The following ARSK variants were observed in gnomAD, a reference collection of about 807,000 sequenced individuals.
The protein encoded by ARSK is arylsulfatase K.
ARSK carries 37 observed loss-of-function variants against 53.2 expected under a neutral mutation model. The ratio of observed to expected loss-of-function variants is 0.70; its 90% CI spans 0.54 to 0.92. ARSK has a LOEUF of 0.92. Ranked by LOEUF, ARSK falls within the 40% of genes least tolerant of loss-of-function variation. The probability of loss-of-function intolerance (pLI) is 0.00; values close to 1 mark genes in which losing one functional copy is unlikely to be tolerated. For synonymous variants in ARSK, 208 were observed against 223.2 expected (o/e 0.93, Z 0.61); for missense variants, 613 against 643.0 (o/e 0.95, Z 0.51).
At position 95,601,018 on chromosome 5, in the gene ARSK, A is replaced by C. The variant is rs1334511307; in HGVS notation, c.1268A>C (p.His423Pro). Residue 423 changes from histidine to proline, a missense_variant, in exon 7 of 8, where the codon CAC becomes CCC. His to Pro is a moderately conservative substitution (Grantham distance 77, BLOSUM62 -2). Coordinates refer to ENST00000380009, the MANE Select transcript of ARSK (RefSeq NM_198150.3). ...TCCACCTACATGCTTCGAACTAACC[A>C]CTGGAAATATATAGCCTATTCGGAT... ...NASTYMLRTNHWKYIAYSDGA... is the reference protein window; with the variant it reads ...NASTYMLRTNPWKYIAYSDGA... 1.2e-6 allele frequency: 2 copies of C among 1,614,052 alleles called. No individual in the cohort carries two copies. Among genetic ancestry groups the C allele is most frequent in the Admixed American group, 3.3e-5 (2 of 60,006 alleles).
chr5:95,592,024 C>T (rs1749226650), intron 6 of ARSK, among the ~76,000 whole-genome samples: 3 of 152,188 alleles, frequency 2.0e-5, no homozygotes, highest in Non-Finnish European at 2.9e-5. Context: ...TATTCCTCCT[C>T]AGACTCTTTA....
In ARSK at chr5:95,555,485, G is replaced by A. The variant is rs1357388928; in HGVS notation, c.126+81G>A. ...CCGCCGCCTGTGCTGCAGGCTTTGGGGAGCAGAACCTGAGACATTTTCAAA... is the reference window on the plus strand; with the variant it reads ...CCGCCGCCTGTGCTGCAGGCTTTGGAGAGCAGAACCTGAGACATTTTCAAA... On this transcript the variant is annotated intron_variant, in intron 1 of 7. Coordinates refer to ENST00000380009, the MANE Select transcript of ARSK (RefSeq NM_198150.3). This position sits in a 1 kb window ranked among gnomAD's most constrained non-coding sequence, Gnocchi z 4.0. The A allele has an allele frequency of 4.4e-5, 64 of 1,455,382 alleles. No individual in the cohort carries two copies. Among genetic ancestry groups the A allele is most frequent in the Non-Finnish European group, 5.5e-5 (60 of 1,090,152 alleles). 90.2% of individuals were successfully genotyped at this position (1,455,382 alleles called of 1,614,324 possible).
intron 6 of ARSK, among the ~76,000 whole-genome samples, chr5:95,600,408 A>G (rs1266252170): frequency 6.6e-6 from 1 of 152,186 alleles, no homozygotes; most frequent in Admixed American, 6.5e-5. Flanking sequence ...CCTTTCTTGT[A>G]TAAGACTTGT....
At position 95,578,159 on chromosome 5, in the gene ARSK, A is replaced by AT. The variant is rs557969012; in HGVS notation, c.417-4749dup. ...TGTTTCTCTCAAATTTGAGAGAAGAATTTTTTTTAAGAGATGAGGTCTCAT... is the reference window on the plus strand; with the variant it reads ...TGTTTCTCTCAAATTTGAGAGAAGAATTTTTTTTTAAGAGATGAGGTCTCAT... On this transcript the variant is annotated intron_variant, in intron 3 of 7. Transcript: ENST00000380009. 5.9e-3 allele frequency among the ~76,000 whole-genome samples: 900 copies of AT among 151,728 alleles called. 6 individuals carry two copies. The highest frequency in any genetic ancestry group is 8.4e-3 in the Non-Finnish European group (572 of 67,888).
At chr5:95,600,638 G>T in intron 6 of ARSK, 1 of 679,364 alleles carries the variant, frequency 1.5e-6, no homozygotes, top group Non-Finnish European at 2.7e-6. Flanking sequence ...AGAAAACTGA[G>T]GTTGAGATAA....
intron 6 of ARSK, among the ~76,000 whole-genome samples, chr5:95,596,071 A>G (rs1446692830): frequency 6.6e-6 from 1 of 152,220 alleles, no homozygotes; most frequent in African/African-American, 2.4e-5. Flanking sequence ...TAACAGCCTT[A>G]GGAGCCAACA....
chr5:95,593,558 T>C (rs1749252479), intron 6 of ARSK, among the ~76,000 whole-genome samples: 1 of 152,198 alleles, frequency 6.6e-6, no homozygotes, highest in East Asian at 1.9e-4. Context: ...TTCTTGCCAT[T>C]TTATACATCA....
At chr5:95,589,056 C>T (rs907273447) in intron 5 of ARSK, among the ~76,000 whole-genome samples, 1 of 152,168 alleles carries the variant, frequency 6.6e-6, no homozygotes, top group African/African-American at 2.4e-5. Context: ...AACACCCTTC[C>T]CTTTGCTTTC....
intron 5 of ARSK, among the ~76,000 whole-genome samples, chr5:95,587,834 A>G (rs1024068405): frequency 2.7e-5 from 4 of 150,612 alleles, no homozygotes; most frequent in Non-Finnish European, 5.9e-5. Flanking sequence ...TGAACCTGGG[A>G]GGCAGAGGTT....
chr5:95,577,089 T>C (rs1436689515), intron 3 of ARSK, among the ~76,000 whole-genome samples: 4 of 152,352 alleles, frequency 2.6e-5, no homozygotes, highest in Non-Finnish European at 2.9e-5. Flanking sequence ...GAGCTGTGGA[T>C]ATGGTGATGT....
At chr5:95,590,697 A>G (rs1749197232) in intron 5 of ARSK, among the ~76,000 whole-genome samples, 2 of 152,186 alleles carry the variant, frequency 1.3e-5, no homozygotes, top group Non-Finnish European at 1.5e-5. Context: ...CAAAATAGGG[A>G]TGACCCTTCT....
intron 3 of ARSK, among the ~76,000 whole-genome samples, chr5:95,580,563 G>A (rs1356670193): frequency 1.3e-5 from 2 of 152,192 alleles, no homozygotes; most frequent in Non-Finnish European, 2.9e-5. Context: ...TATTTTGCTC[G>A]TTGGACTCAC....
intron 6 of ARSK, among the ~76,000 whole-genome samples, chr5:95,594,713 G>A (rs968581992): frequency 3.7e-4 from 57 of 152,064 alleles, no homozygotes; most frequent in African/African-American, 1.4e-3. Context: ...GGTGGCAGGC[G>A]CCTGTAGTCC....
chr5:95,566,178 A>C, intron 2 of ARSK, 51 bp downstream of exon 2: 1 of 1,587,362 alleles, frequency 6.3e-7, no homozygotes, highest in Non-Finnish European at 8.6e-7. Context: ...CACTGAAAAT[A>C]TATTCACAGT....
At chr5:95,565,712 G>A (rs1248645607) in intron 1 of ARSK, among the ~76,000 whole-genome samples, 5 of 152,152 alleles carry the variant, frequency 3.3e-5, no homozygotes, top group Admixed American at 3.3e-4. Context: ...CTGGCACATA[G>A]TTAAGTATTC....
chr5:95,556,235 TG>T, intron 1 of ARSK: 1 of 702,330 alleles, frequency 1.4e-6, no homozygotes, highest in Non-Finnish European at 2.6e-6. Flanking sequence ...TTACATAGTC[TG>T]GATGTGCCCA....
rs1337415308 is a variant in ARSK, at chr5:95,591,607, A to G, written c.1078A>G (p.Ile360Val). ...ATCAAATGTGGTTTCTCTTGTGGAT[A>G]TTTACCCTACCATGCTTGGTAAGTA... is the stretch of plus-strand genomic sequence containing the variant. ...QVSNVVSLVD[I>V]YPTMLDIAGI... The change falls in exon 6 of 8, where the codon ATT (isoleucine) becomes GTT (valine). Residue 360 changes from isoleucine (I) to valine (V), a missense_variant. By Grantham distance (29) the Ile-to-Val change is conservative. Transcript: ENST00000380009. 2.5e-6 allele frequency: 4 copies of G among 1,613,974 alleles called. No homozygotes were observed. The African/African-American group carries it at 4.0e-5, about 16-fold the overall frequency.
rs1019539243 is a variant in ARSK at position 95,586,066 on chromosome 5, A to AT, written c.700-488dup. Among the ~76,000 whole-genome samples, 17 of 152,042 alleles carry AT rather than the reference A, an allele frequency of 1.1e-4. No individual in the cohort carries two copies. In the East Asian group the frequency reaches 1.4e-3, roughly 12 times the overall value. The stretch of plus-strand genomic sequence containing the variant: ...TATATGAATTCAAGATCTAGTTCTA[A>AT]TTTTTTTTACCAACACTGTACATAA... On this transcript the variant is annotated intron_variant, in intron 4 of 7. Coordinates refer to ENST00000380009, the MANE Select transcript of ARSK (RefSeq NM_198150.3).
chr5:95,603,634 G>T lies in ARSK; in HGVS notation c.*108G>T. 9.5e-7 allele frequency: 1 copy of T among 1,049,022 alleles called. No individual in the cohort carries two copies. The highest frequency in any genetic ancestry group is 1.3e-6 in the Non-Finnish European group (1 of 772,690). The allele number at this position is 1,049,022 out of a possible 1,614,324, so 65.0% of individuals were successfully genotyped here. ...TTAATAATTACCAAGTTTTGGCCGG[G>T]CACAGTGGCTCACACCTGTAATCCC... On this transcript the variant is annotated 3_prime_UTR_variant, in exon 8 of 8. Coordinates refer to ENST00000380009, the MANE Select transcript of ARSK (RefSeq NM_198150.3).
Sources: gnomAD v4.1 joint callset for allele counts (sites outside exome capture counted in the v4.1 genomes callset) on GRCh38, gnomAD v4.1.1 for gene constraint, Gnocchi (gnomAD v3.1) non-coding constraint, MANE v1.5 for transcripts, NCBI Gene and HGNC (gene_info 2026-07-23, HGNC 2026-07-21) for gene names.